The following RBMS1 variants were observed in gnomAD, a reference collection of about 807,000 sequenced individuals.
RBMS1 encodes RNA binding motif single stranded interacting protein 1, also known as RNA-binding motif, single-stranded-interacting protein 1.
RBMS1 carries 17 observed loss-of-function variants against 62.3 expected under a neutral mutation model. That is an observed-to-expected ratio of 0.27 (90% CI 0.19 to 0.41). The LOEUF (loss-of-function observed/expected upper bound fraction) is 0.41. Among genes scored for constraint, RBMS1 ranks in the 10% least tolerant of loss-of-function variants. The pLI is 1.00. For missense variants in RBMS1, 334 were observed against 504.5 expected, an observed-to-expected ratio of 0.66 and a Z score of 3.24; for synonymous variants, 172 against 170.0, an observed-to-expected ratio of 1.01 and a Z score of -0.09.
chr2:160,363,016 AC>A (rs1559446933), intron 2 of RBMS1, among the ~76,000 whole-genome samples: 1 of 152,252 alleles, frequency 6.6e-6, no homozygotes, highest in African/African-American at 2.4e-5. Context: ...GATGGAAGAA[AC>A]AAGAGATACT....
At chr2:160,325,834 G>A (rs562158864) in intron 2 of RBMS1, among the ~76,000 whole-genome samples, 3 of 152,228 alleles carry the variant, frequency 2.0e-5, no homozygotes, top group South Asian at 4.1e-4. Context: ...GATAGAAGAT[G>A]TAAAAATTTA....
rs77553631 is a variant in RBMS1, at chr2:160,347,682, T to C, written c.251+19534A>G. 2.9e-3 allele frequency among the ~76,000 whole-genome samples: 438 copies of C among 152,266 alleles called. 5 individuals carry two copies. The highest frequency in any genetic ancestry group is 9.7e-3 in the African/African-American group (405 of 41,572). On this transcript the variant is annotated intron_variant, in intron 2 of 13. Transcript: ENST00000348849. ...GTCTACCAATTTCTATCTGTGGAAG[T>C]TGTCATTTTGAGAATTACATTTTTA...
chr2:160,445,990 C>T (rs987049436), intron 1 of RBMS1, among the ~76,000 whole-genome samples: 7 of 150,606 alleles, frequency 4.6e-5, no homozygotes, highest in Admixed American at 1.3e-4. Flanking sequence ...GCATATCCAT[C>T]AGCTCCAAAA....
intron 1 of RBMS1, chr2:160,402,235 A>T (rs1344388377): frequency 6.6e-6 from 1 of 152,230 alleles, no homozygotes; most frequent in Non-Finnish European, 1.5e-5. Flanking sequence ...GTAGAGCCAC[A>T]ACTTAAGCCA....
At chr2:160,432,232 C>G (rs940903442) in intron 1 of RBMS1, 1 of 152,002 alleles carries the variant, frequency 6.6e-6, no homozygotes, top group Non-Finnish European at 1.5e-5. Flanking sequence ...AGACTCTGAT[C>G]CAGTAATATG....
At chr2:160,488,380 A>C (rs1685685167) in intron 1 of RBMS1, among the ~76,000 whole-genome samples, 1 of 152,212 alleles carries the variant, frequency 6.6e-6, no homozygotes, top group African/African-American at 2.4e-5. Context: ...GTTCAAGACC[A>C]GCCTGGCCAA....
rs558644723 is a variant in RBMS1, at chr2:160,452,174, A to G, written c.75+41115T>C. On this transcript the variant is annotated intron_variant, in intron 1 of 13. Coordinates refer to ENST00000348849, the MANE Select transcript of RBMS1 (RefSeq NM_016836.4). ...ATCAGATCAGTTATGAGAAGGCTCT[A>G]TGGAATTACTGGAACTTAGAGGAGA... Among the ~76,000 whole-genome samples the G allele has an allele frequency of 2.0e-5, 3 of 152,260 alleles. No homozygotes were observed. The East Asian group carries it at 5.8e-4, about 29-fold the overall frequency.
chr2:160,424,432 T>C (rs1038075510), intron 1 of RBMS1, among the ~76,000 whole-genome samples: 2 of 151,984 alleles, frequency 1.3e-5, no homozygotes, highest in African/African-American at 2.4e-5. Context: ...CTGTTTTGTC[T>C]GGTTTTCACT....
At chr2:160,407,999 C>A in intron 1 of RBMS1, 1 of 842,794 alleles carries the variant, frequency 1.2e-6, no homozygotes, top group Non-Finnish European at 1.4e-6. Context: ...CTGGGCGCGG[C>A]GCCTGCCGCC....
chr2:160,444,559 A>C (rs1430576497), intron 1 of RBMS1, among the ~76,000 whole-genome samples: 2 of 152,260 alleles, frequency 1.3e-5, no homozygotes, highest in Non-Finnish European at 2.9e-5. Context: ...AAAAAGGGCA[A>C]CTTGCCCCGG....
chr2:160,342,153 G>T (rs114844929), intron 2 of RBMS1, among the ~76,000 whole-genome samples: 3,179 of 152,218 alleles, frequency 0.021, 42 homozygotes, highest in Non-Finnish European at 0.03. Flanking sequence ...CTTCTGAGAA[G>T]CATGTGTTTT....
At chr2:160,443,637 A>T (rs1038971277) in intron 1 of RBMS1, among the ~76,000 whole-genome samples, 1 of 152,020 alleles carries the variant, frequency 6.6e-6, no homozygotes, top group Non-Finnish European at 1.5e-5. Flanking sequence ...TCACGAGTCA[A>T]AGCTCCCTAA....
rs1696335758 is a variant in RBMS1 at position 160,419,544 on chromosome 2, G to A, written c.76-52153C>T. Reference sequence around the variant, plus strand: ...AAAGGTTATATCAGTAAATAAGAATGGACAAAGTGCTGATAATTGCTGAAG... The same window carrying A: ...AAAGGTTATATCAGTAAATAAGAATAGACAAAGTGCTGATAATTGCTGAAG... On this transcript the variant is annotated intron_variant, in intron 1 of 13. Transcript: ENST00000348849. 2.0e-5 allele frequency among the ~76,000 whole-genome samples: 3 copies of A among 152,130 alleles called. No individual in the cohort carries two copies. In the South Asian group the frequency reaches 6.2e-4, roughly 32 times the overall value.
chr2:160,493,644 G>T lies in RBMS1; in HGVS notation c.-281C>A, dbSNP rs952428157. 4.3e-5 allele frequency: 22 copies of T among 512,712 alleles called. No individual in the cohort carries two copies. The highest frequency in any genetic ancestry group is 3.5e-6 in the Non-Finnish European group (1 of 283,614). 31.8% of individuals were successfully genotyped at this position (512,712 alleles called of 1,614,324 possible). A position where few individuals can be genotyped will look rare whatever the true frequency, so the allele number is the denominator to read the frequency against. ...GCGCAGAGGGCACCCCGGACAGGGC[G>T]CTCCCAAGGAGTTTCCTCCCGGAGC... On this transcript the variant is annotated 5_prime_UTR_variant, in exon 1 of 14. Transcript: ENST00000348849.
chr2:160,288,520 G>A (rs1319454145), intron 6 of RBMS1, among the ~76,000 whole-genome samples: 1 of 152,202 alleles, frequency 6.6e-6, no homozygotes, highest in Admixed American at 6.5e-5. Context: ...TTTCCCTGGT[G>A]TGAACCACTC....
At chr2:160,337,876 T>C (rs1438997304) in intron 2 of RBMS1, among the ~76,000 whole-genome samples, 1 of 152,164 alleles carries the variant, frequency 6.6e-6, no homozygotes, top group African/African-American at 2.4e-5. Context: ...AGGGTCAATC[T>C]CTGAAGTACA....
chr2:160,460,734 ATATATCT>A (rs1684426874), intron 1 of RBMS1, among the ~76,000 whole-genome samples: 1 of 152,138 alleles, frequency 6.6e-6, no homozygotes, highest in African/African-American at 2.4e-5. Context: ...GATTTCACTG[ATATATCT>A]TATTCTGGTT....
intron 2 of RBMS1, among the ~76,000 whole-genome samples, chr2:160,347,034 T>A (rs1223181246): frequency 6.6e-6 from 1 of 152,094 alleles, no homozygotes; most frequent in African/African-American, 2.4e-5. Flanking sequence ...AAAATAGGTA[T>A]AAAACCACTG....
At chr2:160,452,416 G>T (rs1319907484) in intron 1 of RBMS1, among the ~76,000 whole-genome samples, 1 of 152,040 alleles carries the variant, frequency 6.6e-6, no homozygotes, top group Non-Finnish European at 1.5e-5. Flanking sequence ...ATAACCTAGG[G>T]ACATCCCCCT....
Sources: allele counts gnomAD v4.1 joint callset (sites outside exome capture counted in the v4.1 genomes callset), GRCh38; gene constraint gnomAD v4.1.1; transcripts MANE v1.5; gene names NCBI Gene and HGNC (gene_info 2026-07-23, HGNC 2026-07-21).